SH3GL2: variants seen among roughly 807,000 people sequenced by gnomAD.
SH3GL2 encodes the protein SH3 domain containing GRB2 like 2, endophilin A1, also known as endophilin-A1.
SH3GL2 carries 24 observed loss-of-function variants against 46.0 expected under a neutral mutation model. The ratio of observed to expected loss-of-function variants is 0.52; its 90% confidence interval spans 0.38 to 0.73. The LOEUF (loss-of-function observed/expected upper bound fraction) is 0.73. Among genes scored for constraint, SH3GL2 ranks in the 30% least tolerant of loss-of-function variants. The pLI is 0.00. For missense variants in SH3GL2, 413 were observed against 424.2 expected, an observed-to-expected ratio of 0.97 and a Z score of 0.23; for synonymous variants, 196 against 147.1, an observed-to-expected ratio of 1.33 and a Z score of -2.40.
chr9:17,697,249 A>G (rs1821226453), intron 1 of SH3GL2, among the ~76,000 whole-genome samples: 1 of 148,394 alleles, frequency 6.7e-6, no homozygotes, highest in African/African-American at 2.5e-5. Flanking sequence ...TTTAAGGCGG[A>G]GTCTCACTTT....
rs1315548454 is a variant in SH3GL2, at chr9:17,624,606, C to G, written c.45+45319C>G. ...TTTACCACTGTACTCAATTTGAGCC[C>G]TCAATCAAATTTGAGTTGGCTAGTG... On this transcript the variant is annotated intron_variant, in intron 1 of 8. Coordinates refer to ENST00000380607, the MANE Select transcript of SH3GL2 (RefSeq NM_003026.5). Among the ~76,000 whole-genome samples, 3 of 152,178 alleles carry G rather than the reference C, an allele frequency of 2.0e-5. No homozygotes were observed. In the East Asian group the frequency reaches 5.8e-4, roughly 29 times the overall value.
At chr9:17,787,589 A>AT (rs992788628) in intron 5 of SH3GL2, 76 bp downstream of exon 5, 10 of 1,258,438 alleles carry the variant, frequency 7.9e-6, no homozygotes, top group African/African-American at 1.5e-5. Context: ...TTTAGAAAAC[A>AT]TTTTTTTAGC....
intron 1 of SH3GL2, chr9:17,735,799 C>T: frequency 1.1e-6 from 1 of 930,044 alleles, no homozygotes; most frequent in Non-Finnish European, 1.3e-6. Flanking sequence ...GAAAGAAGGG[C>T]TTAAGTTAGC....
chr9:17,663,367 T>C (rs1045001568), intron 1 of SH3GL2, among the ~76,000 whole-genome samples: 2 of 152,246 alleles, frequency 1.3e-5, no homozygotes, highest in Admixed American at 1.3e-4. Context: ...TTTCCTTTTG[T>C]CTGCTTTCCT....
At chr9:17,696,476 G>A (rs1821204038) in intron 1 of SH3GL2, among the ~76,000 whole-genome samples, 1 of 152,114 alleles carries the variant, frequency 6.6e-6, no homozygotes, top group Non-Finnish European at 1.5e-5. Context: ...GAACAGAAGA[G>A]GTTTAATTGA....
At chr9:17,749,418 T>C (rs1206683789) in intron 2 of SH3GL2, among the ~76,000 whole-genome samples, 1 of 152,182 alleles carries the variant, frequency 6.6e-6, no homozygotes, top group Admixed American at 6.5e-5. Flanking sequence ...CAGTCTTGCT[T>C]GATCCCTCCT....
chr9:17,661,699 T>C (rs964809248), intron 1 of SH3GL2, among the ~76,000 whole-genome samples: 6 of 152,176 alleles, frequency 3.9e-5, no homozygotes, highest in African/African-American at 1.4e-4. Context: ...TTTTTTTAAC[T>C]AATAGGAGAG....
At chr9:17,748,151 A>G (rs949555046) in intron 2 of SH3GL2, among the ~76,000 whole-genome samples, 7 of 152,148 alleles carry the variant, frequency 4.6e-5, no homozygotes, top group African/African-American at 1.7e-4. Context: ...GACATGAGCC[A>G]TATTTTCGCT....
chr9:17,683,350 A>C (rs540153184), intron 1 of SH3GL2, among the ~76,000 whole-genome samples: 1 of 152,030 alleles, frequency 6.6e-6, no homozygotes, highest in Non-Finnish European at 1.5e-5. Flanking sequence ...CAAGAAAGGC[A>C]TGAAGCCCTC....
At chr9:17,623,048 T>A (rs1819190053) in intron 1 of SH3GL2, among the ~76,000 whole-genome samples, 1 of 124,056 alleles carries the variant, frequency 8.1e-6, no homozygotes, top group Non-Finnish European at 1.7e-5. Flanking sequence ...TTCCTTCCCC[T>A]TCCCCTTCCC....
chr9:17,683,389 G>C (rs967259541), intron 1 of SH3GL2, among the ~76,000 whole-genome samples: 2 of 152,152 alleles, frequency 1.3e-5, no homozygotes, highest in African/African-American at 2.4e-5. Flanking sequence ...TGTTTCTCTT[G>C]TGGAACAAAA....
chr9:17,713,982 C>T (rs116775922), intron 1 of SH3GL2, among the ~76,000 whole-genome samples: 2 of 151,726 alleles, frequency 1.3e-5, no homozygotes, highest in African/African-American at 4.8e-5. Flanking sequence ...GTACTGAAAT[C>T]CTCAACTTTA....
chr9:17,666,387 TC>T (rs1820341370), intron 1 of SH3GL2, among the ~76,000 whole-genome samples: 1 of 152,112 alleles, frequency 6.6e-6, no homozygotes, highest in South Asian at 2.1e-4. Flanking sequence ...TCTAATTCTT[TC>T]AGTTTCTCTG....
In SH3GL2 at chr9:17,795,539, C is replaced by T; in HGVS notation, c.860-5C>T. The T allele has an allele frequency of 6.2e-7, 1 of 1,612,064 alleles. No homozygotes were observed. Among genetic ancestry groups the T allele is most frequent in the Non-Finnish European group, 8.5e-7 (1 of 1,178,286 alleles). ...TCTTCTCTTCTCTCCTGCTCTTACTCCCAGGTGTCCAAATGGATCAGCCCT... is the reference window on the plus strand; with the variant it reads ...TCTTCTCTTCTCTCCTGCTCTTACTTCCAGGTGTCCAAATGGATCAGCCCT... On this transcript the variant is annotated splice_polypyrimidine_tract_variant and splice_region_variant and intron_variant, in intron 8 of 8. Coordinates refer to ENST00000380607, the MANE Select transcript of SH3GL2 (RefSeq NM_003026.5).
At chr9:17,685,951 TTAAAC>T (rs1255530992) in intron 1 of SH3GL2, among the ~76,000 whole-genome samples, 17 of 149,498 alleles carry the variant, frequency 1.1e-4, no homozygotes, top group African/African-American at 4.2e-4. Context: ...TGGGATCTAA[TTAAAC>T]TAAAGAGCTT....
intron 1 of SH3GL2, among the ~76,000 whole-genome samples, chr9:17,624,008 C>A (rs578138708): frequency 1.1e-4 from 17 of 152,144 alleles, no homozygotes; most frequent in Non-Finnish European, 2.1e-4. Flanking sequence ...TCAAATACTT[C>A]ATTTTATTTC....
At chr9:17,688,560 C>T (rs1053752275) in intron 1 of SH3GL2, among the ~76,000 whole-genome samples, 24 of 151,836 alleles carry the variant, frequency 1.6e-4, no homozygotes, top group Non-Finnish European at 3.1e-4. Flanking sequence ...AACCAGGGCA[C>T]CTCGGAGAAA....
intron 1 of SH3GL2, among the ~76,000 whole-genome samples, chr9:17,592,962 C>G (rs1346478607): frequency 1.3e-5 from 2 of 152,110 alleles, no homozygotes; most frequent in Non-Finnish European, 2.9e-5. Flanking sequence ...TCAGTCATGC[C>G]TATGTAATGA....
At chr9:17,703,208 A>G (rs1337261714) in intron 1 of SH3GL2, among the ~76,000 whole-genome samples, 1 of 152,046 alleles carries the variant, frequency 6.6e-6, no homozygotes, top group African/African-American at 2.4e-5. Flanking sequence ...TTGGGTAGGG[A>G]ATGATTTTAA....
Sources: gnomAD v4.1 joint callset for allele counts (sites outside exome capture counted in the v4.1 genomes callset) on GRCh38, gnomAD v4.1.1 for gene constraint, MANE v1.5 for transcripts, NCBI Gene and HGNC (gene_info 2026-07-23, HGNC 2026-07-21) for gene names.